Variants in SV2C observed in about 807,000 individuals in gnomAD.
SV2C encodes synaptic vesicle glycoprotein 2C, also known as solute carrier family 22 member B3.
A neutral mutation model predicts 79.7 loss-of-function variants in SV2C; 49 were observed. The ratio of observed to expected loss-of-function variants is 0.61; its 90% confidence interval spans 0.49 to 0.78. The LOEUF (loss-of-function observed/expected upper bound fraction) is 0.78. Among genes scored for constraint, SV2C ranks in the 30% least tolerant of loss-of-function variants. The pLI is 0.00. For missense variants in SV2C, 833 were observed against 912.9 expected (o/e 0.91, Z 1.13); for synonymous variants, 334 against 333.2 (o/e 1.00, Z -0.03).
chr5:76,063,090 A>G, the SV2C span, among the ~76,000 whole-genome samples: 2 of 152,170 alleles, frequency 1.3e-5, no homozygotes, highest in Non-Finnish European at 2.9e-5. Context: ...ACACTGGAAG[A>G]TAAAATTAGT....
intron 4 of SV2C, among the ~76,000 whole-genome samples, chr5:76,266,977 G>A (rs1256016965): frequency 6.6e-6 from 1 of 152,164 alleles, no homozygotes; most frequent in Admixed American, 6.5e-5. Context: ...TCCAAACTGG[G>A]AGGTGGCACC....
chr5:76,085,486 A>G (rs1440186962), intron 1 of SV2C, among the ~76,000 whole-genome samples: 2 of 152,128 alleles, frequency 1.3e-5, no homozygotes, highest in Non-Finnish European at 2.9e-5. Context: ...GCTTTACTGA[A>G]GGAGCCCAAA....
At chr5:75,864,645 G>A in the SV2C span, among the ~76,000 whole-genome samples, 1 of 152,212 alleles carries the variant, frequency 6.6e-6, no homozygotes, top group Non-Finnish European at 1.5e-5. Flanking sequence ...ACCCTACTGA[G>A]AGCTGGTACT....
chr5:76,231,942 G>C (rs925432792), intron 4 of SV2C, among the ~76,000 whole-genome samples: 2 of 143,776 alleles, frequency 1.4e-5, no homozygotes, highest in Non-Finnish European at 2.9e-5. Context: ...TAATCCTTTG[G>C]GTATATACCA....
chr5:76,139,011 C>T (rs533091195), intron 2 of SV2C, among the ~76,000 whole-genome samples: 130 of 151,734 alleles, frequency 8.6e-4, no homozygotes, highest in Non-Finnish European at 1.6e-3. Flanking sequence ...CCCAGCTACT[C>T]AGGAGGCTGA....
At chr5:76,006,546 A>G in the SV2C span, among the ~76,000 whole-genome samples, 1 of 152,150 alleles carries the variant, frequency 6.6e-6, no homozygotes, top group Non-Finnish European at 1.5e-5. Flanking sequence ...GCAGAATATA[A>G]AGGCTAATCC....
At chr5:76,030,404 G>A in the SV2C span, among the ~76,000 whole-genome samples, 1 of 150,572 alleles carries the variant, frequency 6.6e-6, no homozygotes, top group South Asian at 2.1e-4. Context: ...GGCGTATTGA[G>A]CACTTCACAG....
intron 2 of SV2C, 124 bp downstream of exon 2, chr5:76,132,454 AC>A (rs1265453215): frequency 1.0e-6 from 1 of 1,004,148 alleles, no homozygotes; most frequent in Non-Finnish European, 1.4e-6. Context: ...ATTTTTTATT[AC>A]AAAAAACTTT....
At chr5:75,982,238 GA>G in the SV2C span, among the ~76,000 whole-genome samples, 19,517 of 138,784 alleles carry the variant, frequency 0.14, 1,470 homozygotes, top group African/African-American at 0.2. Flanking sequence ...AAAATAAAAA[GA>G]AAAAAAAAAA....
the SV2C span, among the ~76,000 whole-genome samples, chr5:75,973,007 T>A: frequency 6.6e-6 from 1 of 152,028 alleles, no homozygotes; most frequent in African/African-American, 2.4e-5. Context: ...ATAAAAATGA[T>A]GAGTTCATGT....
chr5:76,270,164 G>A (rs753125065), intron 4 of SV2C, among the ~76,000 whole-genome samples: 2 of 152,070 alleles, frequency 1.3e-5, no homozygotes, highest in Non-Finnish European at 2.9e-5. Context: ...AATTAATTTG[G>A]GCTTCTTTTA....
the SV2C span, among the ~76,000 whole-genome samples, chr5:75,903,510 A>G: frequency 6.6e-6 from 1 of 152,246 alleles, no homozygotes; most frequent in Non-Finnish European, 1.5e-5. Context: ...TCTCCCAGCC[A>G]TCCCGAACTT....
the SV2C span, among the ~76,000 whole-genome samples, chr5:75,999,702 A>G: frequency 0.19 from 28,320 of 151,070 alleles, 3,343 homozygotes; most frequent in East Asian, 0.61. Context: ...GGCTGCTATA[A>G]AAAAAATACC....
the SV2C span, among the ~76,000 whole-genome samples, chr5:75,932,637 C>G: frequency 6.6e-6 from 1 of 152,364 alleles, no homozygotes; most frequent in African/African-American, 2.4e-5. Context: ...TTATCTGCAG[C>G]AAAAGCATGT....
the SV2C span, among the ~76,000 whole-genome samples, chr5:75,989,557 A>G: frequency 6.6e-6 from 1 of 151,820 alleles, no homozygotes. Flanking sequence ...GGTTGATTCT[A>G]TGTCTTTGCT....
chr5:75,953,351 G>A, the SV2C span, among the ~76,000 whole-genome samples: 3 of 151,940 alleles, frequency 2.0e-5, no homozygotes, highest in African/African-American at 7.2e-5. Flanking sequence ...CATGAAGTTT[G>A]GGGGAATGAA....
the SV2C span, among the ~76,000 whole-genome samples, chr5:75,988,494 T>C: frequency 1.2e-3 from 186 of 152,080 alleles, no homozygotes; most frequent in African/African-American, 4.3e-3. Flanking sequence ...AACTGTCAAG[T>C]GTTGAAGTCA....
intron 12 of SV2C, among the ~76,000 whole-genome samples, chr5:76,340,924 AT>A (rs56102200): frequency 8.5e-4 from 95 of 111,918 alleles, no homozygotes; most frequent in Admixed American, 2.2e-3. Flanking sequence ...GTTTTACAAA[AT>A]TTTTTTTTTT....
chr5:75,912,623 C>T, the SV2C span, among the ~76,000 whole-genome samples: 3 of 152,282 alleles, frequency 2.0e-5, no homozygotes, highest in Non-Finnish European at 2.9e-5. Context: ...TCAGACATGA[C>T]CCCATTCTTG....
Sources: gnomAD v4.1 joint callset for allele counts (sites outside exome capture counted in the v4.1 genomes callset) on GRCh38, gnomAD v4.1.1 for gene constraint, MANE v1.5 for transcripts, NCBI Gene and HGNC (gene_info 2026-07-23, HGNC 2026-07-21) for gene names.